FAM178B: variants seen among roughly 807,000 people sequenced by gnomAD.
The protein encoded by FAM178B is protein FAM178B.
In FAM178B, 82 loss-of-function variants were observed where a neutral mutation model predicts 91.7. That is an observed-to-expected ratio of 0.89 (90% CI 0.75 to 1.07). The LOEUF (loss-of-function observed/expected upper bound fraction) is 1.07. Ranked by LOEUF, FAM178B falls within the 50% of genes least tolerant of loss-of-function variation. The pLI is 0.00. For missense variants in FAM178B, 769 were observed against 846.7 expected, an observed-to-expected ratio of 0.91 and a Z score of 1.14; for synonymous variants, 368 against 359.4, an observed-to-expected ratio of 1.02 and a Z score of -0.27.
At chr2:96,958,879 T>C (rs2082040756) in intron 6 of FAM178B, among the ~76,000 whole-genome samples, 1 of 151,858 alleles carries the variant, frequency 6.6e-6, no homozygotes, top group Non-Finnish European at 1.5e-5. Flanking sequence ...TAGATTAAAT[T>C]TTCTGTGTCT....
chr2:96,967,950 T>C (rs1326615010), intron 4 of FAM178B, among the ~76,000 whole-genome samples: 1 of 123,566 alleles, frequency 8.1e-6, no homozygotes. Flanking sequence ...ATACCAGACA[T>C]CACTGTGTTG....
chr2:96,921,740 G>T, intron 10 of FAM178B, 86 bp from the exon 11 acceptor site: 1 of 1,354,256 alleles, frequency 7.4e-7, no homozygotes, highest in Non-Finnish European at 1.0e-6. Context: ...GAGACACTTA[G>T]GCAGAAGGGA....
chr2:96,896,019 C>G (rs1483278870), intron 13 of FAM178B, among the ~76,000 whole-genome samples: 1 of 152,226 alleles, frequency 6.6e-6, no homozygotes, highest in African/African-American at 2.4e-5. Context: ...TGGGGCTTCA[C>G]CCAAACCATG....
In FAM178B at chr2:96,893,958, G is replaced by A. The variant is rs1279438077; in HGVS notation, c.1744C>T (p.Gln582Ter). 6.2e-7 allele frequency: 1 copy of A among 1,612,994 alleles called. No individual in the cohort carries two copies. Residue 582 changes from glutamine to a stop codon, truncating the protein, a stop_gained, in exon 14 of 17, where the codon CAG (glutamine) becomes TAG (stop). Coordinates refer to ENST00000490605, the MANE Select transcript of FAM178B (RefSeq NM_001122646.3). LOFTEE classifies it high-confidence loss of function. ...TCTAGCTCGGCACTAGCCTTTGGCT[G>A]TTGCTCCTGGCAGGGTGGCAAGGGC... Reference protein sequence around the residue: ...SVPLPPCQEQQPKASAELDHK... With the variant: ...SVPLPPCQEQ
At chr2:96,956,672 G>A (rs765082212) in intron 6 of FAM178B, 6 of 152,120 alleles carry the variant, frequency 3.9e-5, no homozygotes, top group Non-Finnish European at 8.8e-5. Flanking sequence ...GAATATAAAG[G>A]TGGTATAACG....
At chr2:96,960,250 G>C in intron 6 of FAM178B, 38 bp downstream of exon 6, 10 of 1,549,382 alleles carry the variant, frequency 6.5e-6, no homozygotes, top group Non-Finnish European at 8.7e-6. Flanking sequence ...GTCCTGGACA[G>C]GCTGCGCCAC....
intron 1 of FAM178B, among the ~76,000 whole-genome samples, chr2:96,984,899 G>A (rs568222167): frequency 6.6e-6 from 1 of 152,278 alleles, no homozygotes; most frequent in Admixed American, 6.5e-5. Context: ...CTGGACTCAG[G>A]CCATGGCTGA....
At chr2:96,985,588 T>C (rs1245205511) in intron 1 of FAM178B, among the ~76,000 whole-genome samples, 1 of 152,182 alleles carries the variant, frequency 6.6e-6, no homozygotes, top group Non-Finnish European at 1.5e-5. Context: ...GCCAAATAAT[T>C]ACGGAATCCC....
At chr2:96,983,596 T>G (rs1303173945) in intron 1 of FAM178B, among the ~76,000 whole-genome samples, 1 of 152,204 alleles carries the variant, frequency 6.6e-6, no homozygotes, top group Non-Finnish European at 1.5e-5. Context: ...CAGCTAATTT[T>G]TATATTTTTC....
At position 96,986,345 on chromosome 2, in the gene FAM178B, G is replaced by C. The variant is rs2153376815; in HGVS notation, c.-32C>G. 1 of 1,529,092 alleles carries C rather than the reference G, an allele frequency of 6.5e-7. No individual in the cohort carries two copies. The highest frequency in any genetic ancestry group is 1.4e-5 in the African/African-American group (1 of 72,788). 94.7% of individuals were successfully genotyped at this position (1,529,092 alleles called of 1,614,324 possible). ...GGAAGGGCAGGGCTCCGGGGTGAGG[G>C]AGGGTGGCGGGAATTCGCACGGCCT... is the stretch of plus-strand genomic sequence containing the variant. On this transcript the variant is annotated 5_prime_UTR_variant, in exon 1 of 17. Transcript: ENST00000490605.
rs538067442 is a variant in FAM178B at position 96,925,090 on chromosome 2, T to G, written c.1194-1507A>C. On this transcript the variant is annotated intron_variant, in intron 9 of 16. Coordinates refer to ENST00000490605, the MANE Select transcript of FAM178B (RefSeq NM_001122646.3). ...GGCATTTGCACATCTGGGCGCAGGC[T>G]GGGCCTGCGCCAGTACGTGAGGGGA... Among the ~76,000 whole-genome samples the G allele has an allele frequency of 3.3e-4, 50 of 152,226 alleles. No homozygotes were observed. In the Middle Eastern group the frequency reaches 0.017, roughly 52 times the overall value.
At chr2:96,932,941 C>CAAAA (rs35133795) in intron 8 of FAM178B, among the ~76,000 whole-genome samples, 21 of 33,738 alleles carry the variant, frequency 6.2e-4, no homozygotes, top group South Asian at 1.3e-3. Flanking sequence ...CTCCGTCTCA[C>CAAAA]AAAAAAAAAA....
intron 10 of FAM178B, 53 bp downstream of exon 10, chr2:96,923,437 G>T: frequency 7.4e-7 from 1 of 1,354,664 alleles, no homozygotes; most frequent in Non-Finnish European, 1.0e-6. Context: ...CTGCTGAATG[G>T]GTCTGAACTG....
At chr2:96,933,904 A>G (rs1355502223) in intron 8 of FAM178B, among the ~76,000 whole-genome samples, 2 of 152,168 alleles carry the variant, frequency 1.3e-5, no homozygotes, top group Non-Finnish European at 2.9e-5. Flanking sequence ...GGGGCTCACA[A>G]TGTTTACGGG....
At chr2:96,955,979 G>C (rs1315239661) in intron 6 of FAM178B, among the ~76,000 whole-genome samples, 1 of 152,222 alleles carries the variant, frequency 6.6e-6, no homozygotes, top group Non-Finnish European at 1.5e-5. Context: ...ATTCATGGAG[G>C]AACGGCCTGG....
At chr2:96,968,580 G>A (rs2082176782) in intron 4 of FAM178B, among the ~76,000 whole-genome samples, 1 of 152,108 alleles carries the variant, frequency 6.6e-6, no homozygotes, top group Admixed American at 6.5e-5. Context: ...CACTCACTGA[G>A]TGATTTCTAG....
chr2:96,903,657 G>A (rs532121452), intron 12 of FAM178B, among the ~76,000 whole-genome samples: 61 of 152,342 alleles, frequency 4.0e-4, no homozygotes, highest in African/African-American at 1.4e-3. Context: ...ATCAGGAAGA[G>A]GAAGCCACAG....
intron 10 of FAM178B, 100 bp from the exon 11 acceptor site, chr2:96,921,754 T>C: frequency 8.1e-7 from 1 of 1,229,400 alleles, no homozygotes; most frequent in Non-Finnish European, 1.1e-6. Flanking sequence ...GAAGGGATGG[T>C]ACTGTGAGCC....
rs568269331 is a variant in FAM178B, at chr2:96,897,964, C to T, written c.1651-3913G>A. On this transcript the variant is annotated intron_variant, in intron 13 of 16. Transcript: ENST00000490605. ...CTGTCCTTCAAGTTCAGTTCTCCAACGTGTGCTTCTGCTCCTGCTCCATGG... is the reference window on the plus strand; with the variant it reads ...CTGTCCTTCAAGTTCAGTTCTCCAATGTGTGCTTCTGCTCCTGCTCCATGG... 8 of 985,514 alleles carry T rather than the reference C, an allele frequency of 8.1e-6. No homozygotes were observed. In the Admixed American group the frequency reaches 1.8e-4, roughly 23 times the overall value. 61.0% of individuals were successfully genotyped at this position (985,514 alleles called of 1,614,324 possible). A position where few individuals can be genotyped will look rare whatever the true frequency, so the allele number is the denominator to read the frequency against.
Sources: gnomAD v4.1 joint callset for allele counts (sites outside exome capture counted in the v4.1 genomes callset) on GRCh38, gnomAD v4.1.1 for gene constraint, MANE v1.5 for transcripts, NCBI Gene and HGNC (gene_info 2026-07-23, HGNC 2026-07-21) for gene names.